Variants in MTHFD1L observed in about 807,000 individuals in gnomAD.
The protein encoded by MTHFD1L is monofunctional C1-tetrahydrofolate synthase, mitochondrial.
MTHFD1L carries 81 observed loss-of-function variants against 119.5 expected under a neutral mutation model. The observed-to-expected ratio is 0.68, with a 90% CI of 0.57 to 0.82. MTHFD1L has a LOEUF of 0.82. MTHFD1L is among the 40% of genes least tolerant of loss of function. MTHFD1L has a pLI of 0.00. For synonymous variants in MTHFD1L, 430 were observed against 475.2 expected (o/e 0.90, Z 1.24); for missense variants, 1,125 against 1,253.4 (o/e 0.90, Z 1.55).
intron 26 of MTHFD1L, among the ~76,000 whole-genome samples, chr6:151,057,624 C>T (rs1392518809): frequency 1.3e-5 from 2 of 151,896 alleles, no homozygotes; most frequent in African/African-American, 2.4e-5. Flanking sequence ...AGAGTGAGAC[C>T]CTGTCTTAAA....
chr6:150,968,290 C>T (rs1170925106), intron 19 of MTHFD1L, among the ~76,000 whole-genome samples: 2 of 151,438 alleles, frequency 1.3e-5, no homozygotes, highest in African/African-American at 2.4e-5. Context: ...AGAAAGTGCC[C>T]GACACCTATT....
At chr6:150,886,455 AAAAG>A (rs1165925403) in intron 6 of MTHFD1L, among the ~76,000 whole-genome samples, 2 of 149,444 alleles carry the variant, frequency 1.3e-5, no homozygotes, top group Admixed American at 6.7e-5. Context: ...AAAAAAAAAA[AAAAG>A]AGAAGAAGAA....
chr6:150,944,933 T>A (rs879196508), intron 14 of MTHFD1L, among the ~76,000 whole-genome samples: 3 of 152,232 alleles, frequency 2.0e-5, no homozygotes, highest in Admixed American at 2.0e-4. Flanking sequence ...TCTAAGGGGA[T>A]TGGACAGATG....
chr6:151,066,016 C>T (rs1390640491), intron 26 of MTHFD1L, among the ~76,000 whole-genome samples: 1 of 147,106 alleles, frequency 6.8e-6, no homozygotes, highest in Non-Finnish European at 1.5e-5. Context: ...AGTAGCTCCT[C>T]ATTATATATT....
chr6:150,934,170 G>T (rs572762705), intron 11 of MTHFD1L, among the ~76,000 whole-genome samples: 1 of 152,210 alleles, frequency 6.6e-6, no homozygotes, highest in East Asian at 1.9e-4. Flanking sequence ...TGTGACTGTC[G>T]GCAAGTTGCT....
intron 26 of MTHFD1L, among the ~76,000 whole-genome samples, chr6:151,047,685 A>T (rs1468331302): frequency 6.6e-6 from 1 of 152,122 alleles, no homozygotes; most frequent in Non-Finnish European, 1.5e-5. Flanking sequence ...TATGTTGTAG[A>T]GTGTAGGACC....
intron 7 of MTHFD1L, among the ~76,000 whole-genome samples, chr6:150,891,420 C>T (rs1562326704): frequency 6.7e-6 from 1 of 148,992 alleles, no homozygotes; most frequent in South Asian, 2.1e-4. Flanking sequence ...TACATACATA[C>T]ATATAATATG....
intron 27 of MTHFD1L, among the ~76,000 whole-genome samples, chr6:151,100,647 T>C (rs956790345): frequency 6.6e-6 from 1 of 151,850 alleles, no homozygotes; most frequent in Non-Finnish European, 1.5e-5. Flanking sequence ...TTGTTTCTTT[T>C]TTTTTTTTTT....
intron 6 of MTHFD1L, among the ~76,000 whole-genome samples, chr6:150,887,517 G>A (rs771248763): frequency 1.3e-5 from 2 of 152,154 alleles, no homozygotes; most frequent in African/African-American, 2.4e-5. Context: ...GTGCAGTGGC[G>A]TGATCTTGGC....
In MTHFD1L at chr6:151,051,649, C is replaced by A. The variant is rs868855342; in HGVS notation, c.2847+14532C>A. ...AGGGAGTGAAAACCTGCTGCCATAC[C>A]CCCCCAGAGGCAGCAGGATGTTTGG... On this transcript the variant is annotated intron_variant, in intron 26 of 27. Transcript: ENST00000367321. 6.0e-5 allele frequency among the ~76,000 whole-genome samples: 9 copies of A among 150,708 alleles called. No homozygotes were observed. In the South Asian group the frequency reaches 1.7e-3, roughly 28 times the overall value.
intron 4 of MTHFD1L, among the ~76,000 whole-genome samples, chr6:150,880,241 A>G (rs1027564245): frequency 2.0e-5 from 3 of 151,866 alleles, no homozygotes; most frequent in Non-Finnish European, 4.4e-5. Flanking sequence ...TGATGGACCA[A>G]CCTCTCCCCA....
chr6:150,950,773 G>T (rs576348123), intron 16 of MTHFD1L, among the ~76,000 whole-genome samples: 2 of 152,088 alleles, frequency 1.3e-5, no homozygotes, highest in Non-Finnish European at 2.9e-5. Flanking sequence ...TGGCTCAGTC[G>T]ATTCTCTTGC....
intron 21 of MTHFD1L, among the ~76,000 whole-genome samples, chr6:151,013,083 A>G (rs777523530): frequency 6.6e-6 from 1 of 152,240 alleles, no homozygotes; most frequent in Non-Finnish European, 1.5e-5. Context: ...AAGTTGACAC[A>G]TAAGATTAAC....
intron 25 of MTHFD1L, 55 bp downstream of exon 25, chr6:151,034,655 A>T: frequency 9.2e-7 from 1 of 1,085,696 alleles, no homozygotes; most frequent in Non-Finnish European, 1.4e-6. Flanking sequence ...CTCTCAGAAT[A>T]CTCAGCTTGA....
At chr6:150,934,202 C>T (rs1341213509) in intron 11 of MTHFD1L, among the ~76,000 whole-genome samples, 1 of 152,192 alleles carries the variant, frequency 6.6e-6, no homozygotes, top group Non-Finnish European at 1.5e-5. Flanking sequence ...CCTCAGTTTC[C>T]TCATCTATCA....
At position 150,994,077 on chromosome 6, in the gene MTHFD1L, A is replaced by AAAG. The variant is rs1562508689; in HGVS notation, c.2126-15740_2126-15739insGAA. Reference sequence around the variant, plus strand: ...TAACAACAACAGTAAAAAAAAAAAAAAAAGAAAGAAAGAAAGAAAGTGACC... The same window carrying AAAG: ...TAACAACAACAGTAAAAAAAAAAAAAAAGAAAGAAAGAAAGAAAGAAAGTGACC... On this transcript the variant is annotated intron_variant, in intron 20 of 27. Coordinates refer to ENST00000367321, the MANE Select transcript of MTHFD1L (RefSeq NM_015440.5). 9.8e-3 allele frequency among the ~76,000 whole-genome samples: 1,021 copies of AAAG among 103,828 alleles called. 45 individuals are homozygous for AAAG. Among genetic ancestry groups the AAAG allele is most frequent in the Non-Finnish European group, 0.013 (688 of 51,960 alleles). The allele number at this position is 103,828 out of a possible 152,430, so 68.1% of individuals were successfully genotyped here. A position where few individuals can be genotyped will look rare whatever the true frequency, so the allele number is the denominator to read the frequency against.
At chr6:150,985,051 C>T (rs1778075203) in intron 20 of MTHFD1L, 1 of 152,196 alleles carries the variant, frequency 6.6e-6, no homozygotes, top group Non-Finnish European at 1.5e-5. Flanking sequence ...TTGTTCTAGG[C>T]ATGAAGTGCA....
chr6:150,919,562 A>G (rs1395248460), intron 9 of MTHFD1L, among the ~76,000 whole-genome samples: 1 of 152,172 alleles, frequency 6.6e-6, no homozygotes, highest in South Asian at 2.1e-4. Flanking sequence ...GAAGCATAAC[A>G]CAGGCATCTG....
intron 26 of MTHFD1L, among the ~76,000 whole-genome samples, chr6:151,044,404 C>T (rs1323938793): frequency 6.6e-6 from 1 of 151,392 alleles, no homozygotes; most frequent in Middle Eastern, 3.2e-3. Context: ...GGGTTTCAAG[C>T]GATTCTCCTG....
Sources: gnomAD v4.1 joint callset for allele counts (sites outside exome capture counted in the v4.1 genomes callset) on GRCh38, gnomAD v4.1.1 for gene constraint, MANE v1.5 for transcripts, NCBI Gene and HGNC (gene_info 2026-07-23, HGNC 2026-07-21) for gene names.